Variants in NCOR1 observed in about 807,000 individuals in gnomAD.
The protein encoded by NCOR1 is nuclear receptor corepressor 1.
In NCOR1, 63 loss-of-function variants were observed where a neutral mutation model predicts 288.1. The ratio of observed to expected loss-of-function variants is 0.22; its 90% CI spans 0.18 to 0.27. The LOEUF (loss-of-function observed/expected upper bound fraction) is 0.27. Ranked by LOEUF, NCOR1 falls within the 10% of genes least tolerant of loss-of-function variation. NCOR1 has a pLI of 1.00. For synonymous variants in NCOR1, 1,007 were observed against 1,065.9 expected (o/e 0.94, Z 1.08); for missense variants, 2,397 against 3,019.2 (o/e 0.79, Z 4.83).
intron 16 of NCOR1, 32 bp from the exon 17 acceptor site, chr17:16,119,517 G>C (rs1188931361): frequency 8.4e-6 from 12 of 1,422,412 alleles, no homozygotes; most frequent in Non-Finnish European, 1.1e-5. Context: ...ATCAGGCAGA[G>C]AAAAACAAAG....
Position 16,057,629 on chromosome 17 carries a change from C to T in NCOR1, c.6277G>A (p.Val2093Met), listed in dbSNP as rs575750270. 14 of 1,614,072 alleles carry T rather than the reference C, an allele frequency of 8.7e-6. No homozygotes were observed. The East Asian group carries it at 2.7e-4, about 31-fold the overall frequency. ...TAACGGTTTGATGTTTTAGTCCTCA[C>T]AGGTGTAGATACCAAAGCAGAAGGT... is the stretch of plus-strand genomic sequence containing the variant. ...NSPSALVSTP[V>M]RTKTSNRYSP... The change falls in exon 40 of 46, where the codon GTG (valine) becomes ATG (methionine). Residue 2093 changes from valine to methionine, a missense_variant. Coordinates refer to ENST00000268712, the MANE Select transcript of NCOR1 (RefSeq NM_006311.4).
chr17:16,183,054 G>A lies in NCOR1; in HGVS notation c.242+3500C>T, dbSNP rs142829375. 3.3e-3 allele frequency among the ~76,000 whole-genome samples: 498 copies of A among 151,872 alleles called. 4 individuals are homozygous for A. Among genetic ancestry groups the A allele is most frequent in the Non-Finnish European group, 5.0e-3 (337 of 67,924 alleles). On this transcript the variant is annotated intron_variant, in intron 3 of 45. Coordinates refer to ENST00000268712, the MANE Select transcript of NCOR1 (RefSeq NM_006311.4). ...TTCCTTAACATAATAAAGGCCATTT[G>A]TGAAAATTCCACAACTAACATCATA...
chr17:16,188,572 T>C (rs2087307185), intron 2 of NCOR1, among the ~76,000 whole-genome samples: 1 of 151,104 alleles, frequency 6.6e-6, no homozygotes, highest in African/African-American at 2.4e-5. Context: ...GATCGTACCA[T>C]TGCACTCTAG....
At chr17:16,180,854 T>C (rs2085255656) in intron 3 of NCOR1, among the ~76,000 whole-genome samples, 1 of 152,038 alleles carries the variant, frequency 6.6e-6, no homozygotes, top group African/African-American at 2.4e-5. Context: ...CACTGACAGA[T>C]GAATGGATTA....
At chr17:16,130,040 T>C (rs1437676789) in intron 14 of NCOR1, among the ~76,000 whole-genome samples, 1 of 152,140 alleles carries the variant, frequency 6.6e-6, no homozygotes, top group African/African-American at 2.4e-5. Context: ...TGGCTCTGCA[T>C]AGTGTGGAAA....
At chr17:16,195,478 AAAAG>A (rs138060144) in intron 1 of NCOR1, among the ~76,000 whole-genome samples, 67,920 of 150,270 alleles carry the variant, frequency 0.45, 16,063 homozygotes, top group Middle Eastern at 0.57. Context: ...CTCAAAAAAA[AAAAG>A]AAAGAAAGAA....
At chr17:16,098,826 C>T (rs1004110994) in intron 20 of NCOR1, 3 of 168,166 alleles carry the variant, frequency 1.8e-5, no homozygotes, top group Admixed American at 1.2e-4. Context: ...AAAAAAGAAA[C>T]CTAATACTGA....
intron 18 of NCOR1, among the ~76,000 whole-genome samples, chr17:16,115,102 A>T (rs1476984032): frequency 6.6e-6 from 1 of 151,996 alleles, no homozygotes. Flanking sequence ...CAGGCTCAAC[A>T]CCATATGGAA....
At chr17:16,169,452 C>CA (rs1175177868) in intron 4 of NCOR1, among the ~76,000 whole-genome samples, 8 of 152,180 alleles carry the variant, frequency 5.3e-5, no homozygotes, top group Admixed American at 3.9e-4. Context: ...TAACATTTAA[C>CA]AAAAAATCTA....
intron 14 of NCOR1, among the ~76,000 whole-genome samples, chr17:16,128,427 T>C (rs1009373144): frequency 1.3e-4 from 20 of 152,226 alleles, no homozygotes; most frequent in African/African-American, 3.9e-4. Context: ...GCTTAGTGCC[T>C]GCTTATCAGC....
At chr17:16,080,768 ATT>A (rs751615108) in intron 23 of NCOR1, 41 bp from the exon 24 acceptor site, 52 of 1,569,182 alleles carry the variant, frequency 3.3e-5, no homozygotes, top group Non-Finnish European at 4.3e-5. Context: ...TTAAGCAAAC[ATT>A]GTTTTTTTCA....
chr17:16,111,707 C>T (rs1345444169), intron 18 of NCOR1, among the ~76,000 whole-genome samples: 1 of 152,038 alleles, frequency 6.6e-6, no homozygotes, highest in Non-Finnish European at 1.5e-5. Flanking sequence ...AATCTCCAAT[C>T]AACCAGCCTA....
At chr17:16,126,255 G>A (rs542844666) in intron 14 of NCOR1, 49 bp from the exon 15 acceptor site, 3 of 1,490,326 alleles carry the variant, frequency 2.0e-6, no homozygotes, top group African/African-American at 2.9e-5. Flanking sequence ...AACAGAAATA[G>A]CTCCTTATAG....
At position 16,086,356 on chromosome 17, in the gene NCOR1, G is replaced by A; in HGVS notation, c.3103C>T (p.Pro1035Ser). The change falls in exon 23 of 46, where the codon CCT (proline) becomes TCT (serine). Residue 1035 changes from proline to serine, a missense_variant. By Grantham distance (74) the Pro-to-Ser change is moderately conservative (BLOSUM62 -1). Coordinates refer to ENST00000268712, the MANE Select transcript of NCOR1 (RefSeq NM_006311.4). ...GTGGTTTTGGATGACGGGATGAGAG[G>A]GGGCGGTGGCCTGGTTGGTCGAGTT... ...PTTRPTRPPP[P>S]LIPSSKTTVA... The A allele has an allele frequency of 6.2e-7, 1 of 1,614,130 alleles. No homozygotes were observed. Among genetic ancestry groups the A allele is most frequent in the Non-Finnish European group, 8.5e-7 (1 of 1,179,992 alleles).
chr17:16,148,073 T>G (rs1210161193), intron 9 of NCOR1, among the ~76,000 whole-genome samples: 2 of 152,234 alleles, frequency 1.3e-5, no homozygotes, highest in Non-Finnish European at 2.9e-5. Context: ...CTCCTTGGCC[T>G]TCCAAAGTGC....
intron 3 of NCOR1, among the ~76,000 whole-genome samples, chr17:16,186,297 ATAGAACAT>A (rs1410390333): frequency 6.6e-6 from 1 of 152,218 alleles, no homozygotes; most frequent in Non-Finnish European, 1.5e-5. Flanking sequence ...GCCCAAGTCT[ATAGAACAT>A]AACCAAGGAC....
Position 16,031,826 on chromosome 17 carries a change from GGTT to G in NCOR1, c.*467_*469del, listed in dbSNP as rs1972055342. The G allele has an allele frequency of 4.3e-6, 1 of 232,172 alleles. No homozygotes were observed. Among genetic ancestry groups the G allele is most frequent in the South Asian group, 1.8e-4 (1 of 5,544 alleles). 14.4% of individuals were successfully genotyped at this position (232,172 alleles called of 1,614,324 possible). A position where few individuals can be genotyped will look rare whatever the true frequency, so the allele number is the denominator to read the frequency against. On this transcript the variant is annotated 3_prime_UTR_variant, in exon 46 of 46. Coordinates refer to ENST00000268712, the MANE Select transcript of NCOR1 (RefSeq NM_006311.4). ...AACATTATGTAACTGGGCTGTATGA[GGTT>G]GTTTAGAAGGCTAGGGTTAAAAAGA...
intron 23 of NCOR1, among the ~76,000 whole-genome samples, chr17:16,084,831 A>G (rs549943681): frequency 1.3e-5 from 2 of 152,342 alleles, no homozygotes; most frequent in South Asian, 4.1e-4. Flanking sequence ...ATGCCTCAAT[A>G]TAAAAGCCAA....
chr17:16,058,910 G>A (rs2060232083), intron 37 of NCOR1, among the ~76,000 whole-genome samples: 3 of 151,874 alleles, frequency 2.0e-5, no homozygotes, highest in Admixed American at 6.6e-5. Flanking sequence ...TTAGTAGGGC[G>A]TGGTAGCTCA....
Sources: gnomAD v4.1 joint callset for allele counts (sites outside exome capture counted in the v4.1 genomes callset) on GRCh38, gnomAD v4.1.1 for gene constraint, MANE v1.5 for transcripts, NCBI Gene and HGNC (gene_info 2026-07-23, HGNC 2026-07-21) for gene names.